Variants in SNTG1 observed in about 807,000 individuals in gnomAD.
SNTG1 encodes the protein gamma-1-syntrophin.
Under a neutral mutation model 74.7 loss-of-function variants are expected in SNTG1, and 39 were observed. That is an observed-to-expected ratio of 0.52 (90% CI 0.40 to 0.68). The LOEUF is 0.68. Ranked by LOEUF, SNTG1 falls within the 30% of genes least tolerant of loss-of-function variation. The probability of loss-of-function intolerance (pLI) is 0.00; values close to 1 mark genes in which losing one functional copy is unlikely to be tolerated. For synonymous variants in SNTG1, 254 were observed against 217.1 expected (o/e 1.17, Z -1.49); for missense variants, 685 against 609.5 (o/e 1.12, Z -1.30).
At chr8:50,543,658 A>T (rs749115885) in intron 11 of SNTG1, among the ~76,000 whole-genome samples, 2 of 152,162 alleles carry the variant, frequency 1.3e-5, no homozygotes, top group Non-Finnish European at 2.9e-5. Flanking sequence ...GAATATTTGT[A>T]TATAGATTTT....
intron 12 of SNTG1, among the ~76,000 whole-genome samples, chr8:50,565,476 A>T (rs1470329601): frequency 6.6e-6 from 1 of 152,074 alleles, no homozygotes. Context: ...TAAATCCAAA[A>T]CTGTCCTAAT....
intron 18 of SNTG1, among the ~76,000 whole-genome samples, chr8:50,769,151 C>T (rs550754825): frequency 6.6e-6 from 1 of 151,332 alleles, no homozygotes; most frequent in African/African-American, 2.4e-5. Context: ...GTTAAGAGTA[C>T]TCTGTACTCT....
chr8:50,718,351 T>C (rs2095479694), intron 17 of SNTG1, among the ~76,000 whole-genome samples: 1 of 152,068 alleles, frequency 6.6e-6, no homozygotes, highest in African/African-American at 2.4e-5. Flanking sequence ...TGTTGAAGAG[T>C]TGGCACTTAC....
chr8:50,568,227 T>TTGTTTGTGTGTGTGTG (rs140888701), intron 12 of SNTG1, among the ~76,000 whole-genome samples: 66,566 of 146,048 alleles, frequency 0.46, 17,100 homozygotes, highest in East Asian at 0.61. Context: ...TTGTCCATGT[T>TTGTTTGTGTGTGTGTG]TGTGTGTGTG....
At chr8:50,616,814 A>G (rs982905196) in intron 13 of SNTG1, among the ~76,000 whole-genome samples, 2 of 152,184 alleles carry the variant, frequency 1.3e-5, no homozygotes, top group African/African-American at 2.4e-5. Flanking sequence ...TTACTCCGTA[A>G]GGCTTTAAAT....
At position 50,792,812 on chromosome 8, in the gene SNTG1, G is replaced by T; in HGVS notation, c.1537G>T (p.Ala513Ser). The stretch of plus-strand genomic sequence containing the variant: ...TGCCAGCTCTGCTACCACGAGCAAA[G>T]CAAAGTATACAACTTGACATACTGA... ...TAASSATTSK[A>S]KYTT is the part of the protein sequence containing the mutation. Residue 513 changes from alanine (A) to serine (S), a missense_variant, in exon 19 of 19, where the codon GCA becomes TCA. Transcript: ENST00000642720. The T allele has an allele frequency of 6.2e-7, 1 of 1,611,744 alleles. No homozygotes were observed. The highest frequency in any genetic ancestry group is 2.2e-5 in the East Asian group (1 of 44,834).
intron 1 of SNTG1, among the ~76,000 whole-genome samples, chr8:50,147,052 A>G (rs2081897782): frequency 1.3e-5 from 2 of 152,088 alleles, no homozygotes; most frequent in South Asian, 4.1e-4. Flanking sequence ...TTTACCATAT[A>G]TCCTGTTGAT....
intron 13 of SNTG1, among the ~76,000 whole-genome samples, chr8:50,601,516 T>C (rs2094775039): frequency 6.6e-6 from 1 of 152,196 alleles, no homozygotes; most frequent in Non-Finnish European, 1.5e-5. Flanking sequence ...TTTTCAGTAT[T>C]TTCAGACATG....
chr8:49,959,478 C>T (rs1280759881), intron 1 of SNTG1, among the ~76,000 whole-genome samples: 1 of 152,226 alleles, frequency 6.6e-6, no homozygotes, highest in African/African-American at 2.4e-5. Flanking sequence ...TACACAGACA[C>T]TAATCTGCTT....
intron 1 of SNTG1, among the ~76,000 whole-genome samples, chr8:49,992,374 T>G (rs919914936): frequency 6.6e-5 from 10 of 152,188 alleles, no homozygotes; most frequent in Non-Finnish European, 1.5e-5. Flanking sequence ...CTTGGCAATT[T>G]TGCATATTAA....
chr8:50,032,368 T>G (rs1011875111), intron 1 of SNTG1, among the ~76,000 whole-genome samples: 11 of 152,206 alleles, frequency 7.2e-5, no homozygotes, highest in Non-Finnish European at 1.6e-4. Context: ...TTTTTTGAGA[T>G]GGCAGATTAG....
chr8:50,678,851 A>T (rs2095319919), intron 15 of SNTG1, among the ~76,000 whole-genome samples: 1 of 152,116 alleles, frequency 6.6e-6, no homozygotes, highest in African/African-American at 2.4e-5. Context: ...GATGAAGAGT[A>T]GTTGAGAGAG....
At chr8:50,346,434 C>T (rs1454663006) in intron 2 of SNTG1, among the ~76,000 whole-genome samples, 1 of 152,164 alleles carries the variant, frequency 6.6e-6, no homozygotes, top group Non-Finnish European at 1.5e-5. Flanking sequence ...ATTCCTCTGT[C>T]TTGCTTTCTC....
chr8:50,447,749 A>G (rs1006053916), intron 5 of SNTG1, among the ~76,000 whole-genome samples: 22 of 152,334 alleles, frequency 1.4e-4, no homozygotes, highest in African/African-American at 5.3e-4. Context: ...AAAGAAAACA[A>G]TAAGTGTGAG....
intron 1 of SNTG1, among the ~76,000 whole-genome samples, chr8:50,062,751 A>G (rs1476772456): frequency 1.3e-5 from 2 of 152,218 alleles, no homozygotes; most frequent in African/African-American, 4.8e-5. Flanking sequence ...TTGCCCACAA[A>G]CAATGGTTTA....
intron 1 of SNTG1, among the ~76,000 whole-genome samples, chr8:50,045,385 AG>A (rs1164836481): frequency 2.0e-5 from 3 of 152,176 alleles, no homozygotes; most frequent in Admixed American, 6.5e-5. Flanking sequence ...AAGAGCCAGA[AG>A]GAAAGATGCA....
intron 2 of SNTG1, among the ~76,000 whole-genome samples, chr8:50,184,787 A>G (rs1262095355): frequency 6.6e-6 from 1 of 152,158 alleles, no homozygotes; most frequent in Non-Finnish European, 1.5e-5. Context: ...AAATGTAAAA[A>G]CATAAGGATT....
chr8:50,603,996 C>G (rs963312142), intron 13 of SNTG1, among the ~76,000 whole-genome samples: 1 of 152,226 alleles, frequency 6.6e-6, no homozygotes, highest in East Asian at 1.9e-4. Context: ...CACTCAAAGC[C>G]CTAGGGCTCT....
intron 9 of SNTG1, among the ~76,000 whole-genome samples, chr8:50,518,289 T>A (rs1014310378): frequency 6.6e-5 from 10 of 152,200 alleles, no homozygotes; most frequent in African/African-American, 2.4e-4. Flanking sequence ...CCAGAATGTC[T>A]GGGACACAGC....
Sources: gnomAD v4.1 joint callset for allele counts (sites outside exome capture counted in the v4.1 genomes callset) on GRCh38, gnomAD v4.1.1 for gene constraint, MANE v1.5 for transcripts, NCBI Gene and HGNC (gene_info 2026-07-23, HGNC 2026-07-21) for gene names.